ATP8A1: variants seen among roughly 807,000 people sequenced by gnomAD.
The protein encoded by ATP8A1 is phospholipid-transporting ATPase IA.
A neutral mutation model predicts 177.7 loss-of-function variants in ATP8A1; 90 were observed. The ratio of observed to expected loss-of-function variants is 0.51; its 90% CI spans 0.43 to 0.60. The LOEUF is 0.60. ATP8A1 is among the 20% of genes least tolerant of loss of function. The pLI is 0.00. For missense variants in ATP8A1, 1,072 were observed against 1,392.8 expected, an observed-to-expected ratio of 0.77 and a Z score of 3.67; for synonymous variants, 493 against 485.9, an observed-to-expected ratio of 1.01 and a Z score of -0.19.
intron 22 of ATP8A1, among the ~76,000 whole-genome samples, chr4:42,516,357 AG>A (rs1442852326): frequency 6.7e-6 from 1 of 149,902 alleles, no homozygotes; most frequent in African/African-American, 2.5e-5. Flanking sequence ...AACCTATTTT[AG>A]AAAAACTTGA....
chr4:42,436,809 G>A (rs1716051517), intron 33 of ATP8A1, among the ~76,000 whole-genome samples: 1 of 152,168 alleles, frequency 6.6e-6, no homozygotes, highest in Admixed American at 6.5e-5. Context: ...TGCTACGGAG[G>A]TAATTAAAAG....
intron 20 of ATP8A1, among the ~76,000 whole-genome samples, chr4:42,529,572 C>A (rs1369187680): frequency 6.6e-6 from 1 of 152,178 alleles, no homozygotes; most frequent in Non-Finnish European, 1.5e-5. Context: ...GCCTCAAATG[C>A]CCATGGTCTC....
At chr4:42,603,209 C>T (rs547924449) in intron 5 of ATP8A1, among the ~76,000 whole-genome samples, 30 of 152,280 alleles carry the variant, frequency 2.0e-4, no homozygotes, top group Admixed American at 3.3e-4. Context: ...TTCCAATTCA[C>T]GGACAAGCTA....
Position 42,503,449 on chromosome 4 carries a change from C to A in ATP8A1, c.2151+1G>T. On this transcript the variant is annotated splice_donor_variant, in intron 24 of 36. Coordinates refer to ENST00000381668, the MANE Select transcript of ATP8A1 (RefSeq NM_006095.2). LOFTEE classifies it high-confidence loss of function. ...TTTTAAAAATACATAATTTTACTTA[C>A]ATCAAGAGAGCCTTCATTTATAACA... is the stretch of plus-strand genomic sequence containing the variant. 6.3e-7 allele frequency: 1 copy of A among 1,583,526 alleles called. No homozygotes were observed. Among genetic ancestry groups the A allele is most frequent in the Admixed American group, 1.7e-5 (1 of 59,452 alleles).
At chr4:42,441,646 C>T (rs143636969) in intron 33 of ATP8A1, among the ~76,000 whole-genome samples, 295 of 152,214 alleles carry the variant, frequency 1.9e-3, no homozygotes, top group African/African-American at 6.7e-3. Context: ...CTCATTTACA[C>T]GCACACACAC....
At chr4:42,635,810 T>TATATATACAC (rs1305090729) in intron 1 of ATP8A1, among the ~76,000 whole-genome samples, 13 of 103,908 alleles carry the variant, frequency 1.3e-4, no homozygotes, top group African/African-American at 1.6e-4. Flanking sequence ...TATATATATA[T>TATATATACAC]ACACATGTAT....
In ATP8A1 at chr4:42,474,986, A is replaced by G. The variant is rs183992312; in HGVS notation, c.2325-9910T>C. On this transcript the variant is annotated intron_variant, in intron 25 of 36. Coordinates refer to ENST00000381668, the MANE Select transcript of ATP8A1 (RefSeq NM_006095.2). ...GAGGTCCAATATAGCAACAATTATA[A>G]TAACAATATAATGTTTATTTGCACC... Among the ~76,000 whole-genome samples the G allele has an allele frequency of 6.6e-4, 100 of 152,346 alleles. No homozygotes were observed. The Middle Eastern group carries it at 0.014, about 21-fold the overall frequency.
chr4:42,599,720 C>T (rs1461014537), intron 6 of ATP8A1, among the ~76,000 whole-genome samples: 2 of 152,176 alleles, frequency 1.3e-5, no homozygotes, highest in African/African-American at 4.8e-5. Flanking sequence ...TAGCAAAATA[C>T]TGTCCTGTGA....
chr4:42,471,939 G>T, intron 25 of ATP8A1: 2 of 670,022 alleles, frequency 3.0e-6, no homozygotes, highest in Non-Finnish European at 5.7e-6. Context: ...TCAGGAAGCT[G>T]AGTATTACAG....
chr4:42,528,891 C>A (rs557723251), intron 20 of ATP8A1, among the ~76,000 whole-genome samples: 52 of 152,242 alleles, frequency 3.4e-4, no homozygotes, highest in East Asian at 5.8e-4. Flanking sequence ...AATTAAGGGA[C>A]CTTCTACCCC....
intron 30 of ATP8A1, among the ~76,000 whole-genome samples, chr4:42,448,064 G>GAAAATTTA (rs1388606218): frequency 6.6e-6 from 1 of 152,082 alleles, no homozygotes; most frequent in Non-Finnish European, 1.5e-5. Flanking sequence ...AATTAAAACA[G>GAAAATTTA]AAAATTTAAA....
chr4:42,543,847 T>C (rs1056137427), intron 20 of ATP8A1, 70 bp downstream of exon 20: 63 of 1,139,830 alleles, frequency 5.5e-5, no homozygotes, highest in Non-Finnish European at 7.3e-5. Flanking sequence ...TACATTTCCA[T>C]AGAATGCCTA....
intron 27 of ATP8A1, among the ~76,000 whole-genome samples, chr4:42,460,791 A>G (rs577658489): frequency 5.3e-5 from 8 of 152,322 alleles, no homozygotes; most frequent in Non-Finnish European, 1.0e-4. Context: ...CAGATTTATG[A>G]GACCATGGTG....
intron 5 of ATP8A1, 74 bp downstream of exon 5, chr4:42,615,959 T>C: frequency 1.5e-6 from 2 of 1,328,548 alleles, no homozygotes; most frequent in Non-Finnish European, 2.1e-6. Context: ...AATTGAATTA[T>C]ATGTAATTGA....
rs190284302 is a variant in ATP8A1, at chr4:42,538,800, C to T, written c.1722+5117G>A. On this transcript the variant is annotated intron_variant, in intron 20 of 36. Transcript: ENST00000381668. ...GTGGTGAAAAGGGAACACTTTTACACTGCTGGTGGGAATGTAAACTAGTAC... is the reference window on the plus strand; with the variant it reads ...GTGGTGAAAAGGGAACACTTTTACATTGCTGGTGGGAATGTAAACTAGTAC... 2.6e-4 allele frequency among the ~76,000 whole-genome samples: 40 copies of T among 152,292 alleles called. No homozygotes were observed. In the East Asian group the frequency reaches 7.1e-3, roughly 27 times the overall value.
intron 20 of ATP8A1, among the ~76,000 whole-genome samples, chr4:42,532,869 T>C (rs186598743): frequency 6.6e-6 from 1 of 152,314 alleles, no homozygotes; most frequent in East Asian, 1.9e-4. Flanking sequence ...ACTGATACGA[T>C]ATATTCTCCC....
At chr4:42,624,446 C>G in intron 4 of ATP8A1, 90 bp downstream of exon 4, 1 of 676,530 alleles carries the variant, frequency 1.5e-6, no homozygotes, top group Non-Finnish European at 2.3e-6. Context: ...CAGCCCACGC[C>G]AAGAATTAAA....
chr4:42,422,987 T>G, intron 34 of ATP8A1, 88 bp from the exon 35 acceptor site: 1 of 970,860 alleles, frequency 1.0e-6, no homozygotes, highest in Non-Finnish European at 1.6e-6. Flanking sequence ...ATCACGCGGT[T>G]GATAAAGCAC....
chr4:42,507,288 T>A (rs1331036193), intron 22 of ATP8A1, 134 bp from the exon 23 acceptor site: 2 of 921,602 alleles, frequency 2.2e-6, no homozygotes, highest in Non-Finnish European at 3.2e-6. Flanking sequence ...ATTCCAACTA[T>A]CCCATTGAGT....
Sources: gnomAD v4.1 joint callset for allele counts (sites outside exome capture counted in the v4.1 genomes callset) on GRCh38, gnomAD v4.1.1 for gene constraint, MANE v1.5 for transcripts, NCBI Gene and HGNC (gene_info 2026-07-23, HGNC 2026-07-21) for gene names.